Variants in NCKAP5 observed in about 807,000 individuals in gnomAD.
NCKAP5 encodes the protein nck-associated protein 5.
A neutral mutation model predicts 167.0 loss-of-function variants in NCKAP5; 92 were observed. That is an observed-to-expected ratio of 0.55 (90% confidence interval 0.47 to 0.66). The LOEUF (loss-of-function observed/expected upper bound fraction) is 0.66, where lower values mean the gene tolerates loss of function less well. NCKAP5 is among the 30% of genes least tolerant of loss of function. NCKAP5 has a pLI of 0.00. For missense variants in NCKAP5, 2,378 were observed against 2,315.0 expected (o/e 1.03, Z -0.56); for synonymous variants, 891 against 877.4 (o/e 1.02, Z -0.27).
intron 19 of NCKAP5, among the ~76,000 whole-genome samples, chr2:132,690,607 C>T (rs1157563379): frequency 1.3e-5 from 2 of 152,182 alleles, no homozygotes; most frequent in East Asian, 3.9e-4. Flanking sequence ...GTCACAGCTT[C>T]TGAGAACCTA....
intron 19 of NCKAP5, among the ~76,000 whole-genome samples, chr2:132,701,018 T>C (rs1403872649): frequency 6.6e-6 from 1 of 151,346 alleles, no homozygotes; most frequent in Non-Finnish European, 1.5e-5. Flanking sequence ...CGGCAATAGG[T>C]CTGTGGGTAG....
chr2:133,108,080 A>C (rs566481073), intron 6 of NCKAP5, among the ~76,000 whole-genome samples: 1 of 152,258 alleles, frequency 6.6e-6, no homozygotes, highest in South Asian at 2.1e-4. Context: ...GCATTTAATA[A>C]CTCTGCTAAT....
At chr2:133,227,195 C>T (rs1450345726) in intron 4 of NCKAP5, among the ~76,000 whole-genome samples, 1 of 152,140 alleles carries the variant, frequency 6.6e-6, no homozygotes, top group Non-Finnish European at 1.5e-5. Flanking sequence ...GGAACTTCTT[C>T]AACATGCCAT....
intron 4 of NCKAP5, among the ~76,000 whole-genome samples, chr2:133,236,341 G>A (rs765282391): frequency 1.2e-4 from 18 of 152,110 alleles, no homozygotes; most frequent in Non-Finnish European, 2.5e-4. Context: ...AGTGTTTAAG[G>A]TGACTTCATA....
intron 3 of NCKAP5, among the ~76,000 whole-genome samples, chr2:133,385,475 T>C (rs553934557): frequency 2.0e-5 from 3 of 151,612 alleles, no homozygotes; most frequent in African/African-American, 4.8e-5. Flanking sequence ...ATTTTTGCAT[T>C]GATGTTCATC....
In NCKAP5 at chr2:133,321,778, ATTCCC is replaced by A. The variant is rs372193741; in HGVS notation, c.70-18673_70-18669del. 5.3e-5 allele frequency among the ~76,000 whole-genome samples: 8 copies of A among 152,330 alleles called. No individual in the cohort carries two copies. In the East Asian group the frequency reaches 1.2e-3, roughly 22 times the overall value. ...TAAAGCTCAAGCTCAATAACCCAAT[ATTCCC>A]TAGCCACATACAATGCATTTAACCC... On this transcript the variant is annotated intron_variant, in intron 3 of 19. Coordinates refer to ENST00000409261, the MANE Select transcript of NCKAP5 (RefSeq NM_207363.3).
chr2:133,131,279 G>C (rs745585492), intron 5 of NCKAP5, among the ~76,000 whole-genome samples: 1 of 152,124 alleles, frequency 6.6e-6, no homozygotes, highest in African/African-American at 2.4e-5. Context: ...AAGCTGCCTA[G>C]GTCTCTCGGT....
chr2:133,141,463 C>G (rs967776055), intron 5 of NCKAP5, among the ~76,000 whole-genome samples: 1 of 151,012 alleles, frequency 6.6e-6, no homozygotes, highest in Admixed American at 6.6e-5. Context: ...TATCCTGTAG[C>G]TGGAATCCTT....
At chr2:133,417,023 T>C (rs1268819133) in intron 3 of NCKAP5, among the ~76,000 whole-genome samples, 1 of 152,110 alleles carries the variant, frequency 6.6e-6, no homozygotes, top group Non-Finnish European at 1.5e-5. Context: ...TGCCAGATAC[T>C]CTGCTTTTGA....
intron 4 of NCKAP5, among the ~76,000 whole-genome samples, chr2:133,275,323 T>A (rs1008352790): frequency 1.3e-5 from 2 of 152,026 alleles, no homozygotes; most frequent in African/African-American, 4.8e-5. Flanking sequence ...GATATATTTA[T>A]TAAGTTGAAG....
At chr2:133,038,089 C>T (rs368987670) in intron 6 of NCKAP5, among the ~76,000 whole-genome samples, 24 of 152,246 alleles carry the variant, frequency 1.6e-4, no homozygotes, top group African/African-American at 5.8e-4. Context: ...AATTAAGCTA[C>T]CATATGATCC....
At chr2:133,531,391 ACTT>A (rs1685353344) in intron 2 of NCKAP5, among the ~76,000 whole-genome samples, 1 of 152,046 alleles carries the variant, frequency 6.6e-6, no homozygotes, top group Non-Finnish European at 1.5e-5. Context: ...ATTTTTTTCT[ACTT>A]ACTTTTTCTA....
intron 6 of NCKAP5, among the ~76,000 whole-genome samples, chr2:133,042,658 GCA>G (rs2079254340): frequency 6.6e-6 from 1 of 152,070 alleles, no homozygotes; most frequent in African/African-American, 2.4e-5. Context: ...TTGTGTGTAT[GCA>G]CACACACGTG....
chr2:133,619,170 G>A, the NCKAP5 span, among the ~76,000 whole-genome samples: 15 of 109,310 alleles, frequency 1.4e-4, no homozygotes, highest in Admixed American at 1.1e-4. Flanking sequence ...TGGGGGGAGG[G>A]GGGAGGGATA....
At chr2:133,512,517 G>T (rs774098156) in intron 3 of NCKAP5, among the ~76,000 whole-genome samples, 3 of 152,196 alleles carry the variant, frequency 2.0e-5, no homozygotes, top group Non-Finnish European at 4.4e-5. Context: ...TTCAGAGGCA[G>T]CTCTCTTCCT....
chr2:133,465,774 T>C (rs1427802899), intron 3 of NCKAP5, among the ~76,000 whole-genome samples: 1 of 151,982 alleles, frequency 6.6e-6, no homozygotes, highest in Non-Finnish European at 1.5e-5. Flanking sequence ...GATGAGCATT[T>C]TTTCATGTGT....
chr2:132,953,127 G>A (rs2076239677), intron 8 of NCKAP5, among the ~76,000 whole-genome samples: 1 of 152,142 alleles, frequency 6.6e-6, no homozygotes, highest in South Asian at 2.1e-4. Flanking sequence ...CCAACAGTGA[G>A]GATTAAATAA....
intron 6 of NCKAP5, among the ~76,000 whole-genome samples, chr2:133,128,911 C>CT (rs1177078966): frequency 2.7e-5 from 4 of 147,112 alleles, no homozygotes; most frequent in Non-Finnish European, 6.0e-5. Context: ...TTCAAGTGTT[C>CT]TAGTGATATC....
the NCKAP5 span, among the ~76,000 whole-genome samples, chr2:133,624,303 A>T: frequency 1.3e-5 from 2 of 152,136 alleles, no homozygotes; most frequent in South Asian, 4.1e-4. Context: ...AAATTTTTTA[A>T]AAAGAATCTT....
Sources: allele counts gnomAD v4.1 joint callset (sites outside exome capture counted in the v4.1 genomes callset), GRCh38; gene constraint gnomAD v4.1.1; transcripts MANE v1.5; gene names NCBI Gene and HGNC (gene_info 2026-07-23, HGNC 2026-07-21).